Variants in RANBP2 observed in about 807,000 individuals in gnomAD.
RANBP2 encodes the protein E3 SUMO-protein ligase RanBP2.
In RANBP2, 57 loss-of-function variants were observed where a neutral mutation model predicts 303.6. The ratio of observed to expected loss-of-function variants is 0.19; its 90% confidence interval spans 0.15 to 0.23. The LOEUF (loss-of-function observed/expected upper bound fraction) is 0.23. Among genes scored for constraint, RANBP2 ranks in the 10% least tolerant of loss-of-function variants. The pLI is 1.00. For synonymous variants in RANBP2, 1,167 were observed against 1,301.5 expected (o/e 0.90, Z 2.23); for missense variants, 3,138 against 3,780.8 (o/e 0.83, Z 4.46).
At chr2:108,786,381 C>G (rs887695836), downstream of RANBP2, among the ~76,000 whole-genome samples, 1 of 151,970 alleles carries the variant, frequency 6.6e-6, no homozygotes, top group Admixed American at 6.6e-5. Flanking sequence ...ACGCGCGCCA[C>G]CACTCCCGGC....
intron 7 of RANBP2, among the ~76,000 whole-genome samples, chr2:108,742,423 C>T (rs1025689115): frequency 6.6e-6 from 1 of 152,150 alleles, no homozygotes; most frequent in African/African-American, 2.4e-5. Flanking sequence ...CCTGCTTCAG[C>T]CTGTCACGTA....
the RANBP2 span, among the ~76,000 whole-genome samples, chr2:109,336,171 GA>G: frequency 1.3e-5 from 2 of 152,194 alleles, no homozygotes; most frequent in Non-Finnish European, 2.9e-5. Context: ...ACTACTCTGG[GA>G]AGTTCAAAAA....
At chr2:109,468,736 C>G in the RANBP2 span, among the ~76,000 whole-genome samples, 2 of 151,418 alleles carry the variant, frequency 1.3e-5, no homozygotes, top group Non-Finnish European at 2.9e-5. Context: ...CACCTGTAAT[C>G]CCAGCTACTC....
At chr2:109,471,875 G>C in the RANBP2 span, among the ~76,000 whole-genome samples, 1 of 152,308 alleles carries the variant, frequency 6.6e-6, no homozygotes, top group East Asian at 1.9e-4. Flanking sequence ...TGCAGACACA[G>C]GGAGAGCAGA....
At chr2:109,080,512 T>C in the RANBP2 span, among the ~76,000 whole-genome samples, 1 of 152,158 alleles carries the variant, frequency 6.6e-6, no homozygotes, top group Admixed American at 6.5e-5. Context: ...GGTCTCCAGA[T>C]GCTGCACTCT....
chr2:109,560,283 G>A, the RANBP2 span, among the ~76,000 whole-genome samples: 3 of 152,116 alleles, frequency 2.0e-5, no homozygotes, highest in African/African-American at 4.8e-5. Flanking sequence ...AATTGTCAAG[G>A]AAGCACCTCT....
chr2:109,013,970 C>T, the RANBP2 span, among the ~76,000 whole-genome samples: 1 of 152,140 alleles, frequency 6.6e-6, no homozygotes, highest in African/African-American at 2.4e-5. Context: ...TATTTTGCTC[C>T]TCATTCTTGA....
chr2:109,387,861 G>T, the RANBP2 span, among the ~76,000 whole-genome samples: 9 of 131,088 alleles, frequency 6.9e-5, no homozygotes, highest in Non-Finnish European at 1.2e-4. Flanking sequence ...AGATGGTTGG[G>T]GGGGGGGTCT....
the RANBP2 span, among the ~76,000 whole-genome samples, chr2:109,366,423 A>G: frequency 6.6e-6 from 1 of 152,244 alleles, no homozygotes; most frequent in Non-Finnish European, 1.5e-5. Context: ...AAGATACAGA[A>G]AAGTGTGGTG....
the RANBP2 span, among the ~76,000 whole-genome samples, chr2:109,374,357 G>A: frequency 2.6e-5 from 4 of 152,220 alleles, no homozygotes; most frequent in East Asian, 7.7e-4. Context: ...ACTCTCAGCA[G>A]CCACTGAAGA....
the RANBP2 span, among the ~76,000 whole-genome samples, chr2:108,964,248 A>G: frequency 6.6e-6 from 1 of 152,078 alleles, no homozygotes; most frequent in African/African-American, 2.4e-5. Context: ...GGGGAAACTG[A>G]GACTCTGAGA....
chr2:109,361,925 T>C, the RANBP2 span, among the ~76,000 whole-genome samples: 1 of 152,196 alleles, frequency 6.6e-6, no homozygotes, highest in Non-Finnish European at 1.5e-5. Flanking sequence ...GGATGCCCCC[T>C]CTTTTATTCC....
chr2:109,356,720 C>T, the RANBP2 span, among the ~76,000 whole-genome samples: 5 of 152,342 alleles, frequency 3.3e-5, no homozygotes, highest in African/African-American at 1.2e-4. Flanking sequence ...GTACACCCAT[C>T]TTTGGACAGC....
the RANBP2 span, among the ~76,000 whole-genome samples, chr2:109,411,660 C>T: frequency 0.037 from 5,572 of 152,260 alleles, 213 homozygotes; most frequent in African/African-American, 0.094. Flanking sequence ...TTGCCTCCTA[C>T]ACAGCAGGAT....
the RANBP2 span, among the ~76,000 whole-genome samples, chr2:109,288,421 A>G: frequency 1.3e-5 from 2 of 152,224 alleles, no homozygotes; most frequent in African/African-American, 4.8e-5. Flanking sequence ...GAATGTGGAT[A>G]TGCCAGCTTT....
At chr2:108,779,516 AAG>A (rs1477360183) in intron 25 of RANBP2, among the ~76,000 whole-genome samples, 1 of 152,062 alleles carries the variant, frequency 6.6e-6, no homozygotes, top group African/African-American at 2.4e-5. Context: ...ATCTGTCTGA[AAG>A]AGAGTTGATT....
At chr2:108,783,325 C>G (rs1369578998) in intron 28 of RANBP2, among the ~76,000 whole-genome samples, 1 of 116,638 alleles carries the variant, frequency 8.6e-6, no homozygotes, top group Non-Finnish European at 1.6e-5. Context: ...AGTGAGACAG[C>G]CTGTCATTAA....
chr2:109,283,872 A>C, the RANBP2 span, among the ~76,000 whole-genome samples: 1 of 152,050 alleles, frequency 6.6e-6, no homozygotes, highest in African/African-American at 2.4e-5. Flanking sequence ...GGGAGTGAGT[A>C]TTCTATATGC....
At chr2:109,018,609 C>T in the RANBP2 span, among the ~76,000 whole-genome samples, 1 of 152,216 alleles carries the variant, frequency 6.6e-6, no homozygotes, top group African/African-American at 2.4e-5. Flanking sequence ...CTCCTAACCT[C>T]CTGTTGAGCC....
Sources: allele counts gnomAD v4.1 joint callset (sites outside exome capture counted in the v4.1 genomes callset), GRCh38; gene constraint gnomAD v4.1.1; transcripts MANE v1.5; gene names NCBI Gene and HGNC (gene_info 2026-07-23, HGNC 2026-07-21).